Variants in RSRC1 observed in about 807,000 individuals in gnomAD.
The protein encoded by RSRC1 is arginine and serine rich coiled-coil 1, also known as serine/Arginine-related protein 53.
Under a neutral mutation model 49.1 loss-of-function variants are expected in RSRC1, and 39 were observed. The observed-to-expected ratio is 0.79, with a 90% CI of 0.61 to 1.04. The LOEUF is 1.04. Among genes scored for constraint, RSRC1 ranks in the 50% least tolerant of loss-of-function variants. The probability of loss-of-function intolerance (pLI) is 0.00; values close to 1 mark genes in which losing one functional copy is unlikely to be tolerated. For missense variants in RSRC1, 388 were observed against 402.4 expected (o/e 0.96, Z 0.31); for synonymous variants, 143 against 130.8 (o/e 1.09, Z -0.63).
chr3:158,514,979 C>T (rs1740425073), intron 7 of RSRC1, among the ~76,000 whole-genome samples: 1 of 151,802 alleles, frequency 6.6e-6, no homozygotes, highest in Non-Finnish European at 1.5e-5. Flanking sequence ...GGTAGATCTT[C>T]CTCCATCCTT....
At chr3:158,264,075 T>C (rs1233272255) in intron 4 of RSRC1, among the ~76,000 whole-genome samples, 1 of 152,168 alleles carries the variant, frequency 6.6e-6, no homozygotes, top group Non-Finnish European at 1.5e-5. Flanking sequence ...TTTTTACTGC[T>C]TACTTTGGGT....
chr3:158,359,450 G>A (rs981927139), intron 6 of RSRC1, among the ~76,000 whole-genome samples: 35 of 152,264 alleles, frequency 2.3e-4, no homozygotes, highest in African/African-American at 8.2e-4. Flanking sequence ...TGGTGTTATC[G>A]GATCTTTGGG....
intron 5 of RSRC1, among the ~76,000 whole-genome samples, chr3:158,341,616 G>A (rs967857195): frequency 2.0e-5 from 3 of 152,216 alleles, no homozygotes; most frequent in African/African-American, 7.2e-5. Context: ...GGCCCTAATG[G>A]AGAACCTCTG....
intron 3 of RSRC1, among the ~76,000 whole-genome samples, chr3:158,192,163 A>G (rs912359474): frequency 2.6e-5 from 4 of 152,056 alleles, no homozygotes; most frequent in Non-Finnish European, 5.9e-5. Flanking sequence ...GAACATTAAG[A>G]CATAGAGGGC....
intron 6 of RSRC1, among the ~76,000 whole-genome samples, chr3:158,428,509 A>C (rs1735587918): frequency 1.3e-5 from 2 of 151,824 alleles, no homozygotes; most frequent in Admixed American, 6.6e-5. Context: ...AGTTTTCTTA[A>C]CTGTAAAATG....
chr3:158,439,257 A>G (rs1408470168), intron 6 of RSRC1, among the ~76,000 whole-genome samples: 5 of 151,846 alleles, frequency 3.3e-5, no homozygotes, highest in Non-Finnish European at 7.4e-5. Context: ...ACAGTGTGGC[A>G]ATTCCTCAAG....
At chr3:158,149,627 A>G (rs1717396748) in intron 3 of RSRC1, among the ~76,000 whole-genome samples, 1 of 152,152 alleles carries the variant, frequency 6.6e-6, no homozygotes, top group Admixed American at 6.6e-5. Flanking sequence ...TATTTGAGAA[A>G]ATTAGGTATA....
At chr3:158,295,246 A>G (rs957116032) in intron 4 of RSRC1, among the ~76,000 whole-genome samples, 1 of 132,508 alleles carries the variant, frequency 7.5e-6, no homozygotes, top group African/African-American at 3.0e-5. Flanking sequence ...AGGCTGGGAG[A>G]AAAGGAGCAT....
At chr3:158,472,245 C>G (rs149266415) in intron 7 of RSRC1, among the ~76,000 whole-genome samples, 2 of 152,086 alleles carry the variant, frequency 1.3e-5, no homozygotes, top group East Asian at 3.9e-4. Flanking sequence ...TGAACAACAC[C>G]TACTTTGGGA....
At chr3:158,256,794 C>T (rs1724586468) in intron 4 of RSRC1, among the ~76,000 whole-genome samples, 1 of 152,064 alleles carries the variant, frequency 6.6e-6, no homozygotes, top group Non-Finnish European at 1.5e-5. Flanking sequence ...CTGGTTTAGT[C>T]TTGGGAGGGT....
intron 4 of RSRC1, among the ~76,000 whole-genome samples, chr3:158,297,687 TAATA>T (rs1412843282): frequency 6.6e-6 from 1 of 151,580 alleles, no homozygotes; most frequent in Non-Finnish European, 1.5e-5. Flanking sequence ...AACATTTTCA[TAATA>T]AATGTTGGAA....
intron 4 of RSRC1, among the ~76,000 whole-genome samples, chr3:158,290,415 G>A (rs1396047265): frequency 1.3e-5 from 2 of 151,966 alleles, no homozygotes; most frequent in Admixed American, 6.6e-5. Flanking sequence ...TGGGACTACA[G>A]GCGCCCGCCA....
At chr3:158,472,557 G>A (rs1211577293) in intron 7 of RSRC1, among the ~76,000 whole-genome samples, 1 of 152,140 alleles carries the variant, frequency 6.6e-6, no homozygotes, top group African/African-American at 2.4e-5. Context: ...ACACTGCTCT[G>A]AAGTAGTTTT....
At chr3:158,479,045 G>A (rs1184309123) in intron 7 of RSRC1, among the ~76,000 whole-genome samples, 1 of 148,998 alleles carries the variant, frequency 6.7e-6, no homozygotes, top group East Asian at 2.0e-4. Flanking sequence ...ATTAATTTTT[G>A]TATGTGTATT....
chr3:158,348,986 A>G (rs371719813), intron 5 of RSRC1, among the ~76,000 whole-genome samples: 4 of 152,220 alleles, frequency 2.6e-5, no homozygotes, highest in East Asian at 1.9e-4. Context: ...TCTTTATCCA[A>G]TCAACTATAA....
intron 6 of RSRC1, among the ~76,000 whole-genome samples, chr3:158,367,295 T>A (rs925415107): frequency 1.3e-5 from 2 of 152,186 alleles, no homozygotes; most frequent in Admixed American, 1.3e-4. Flanking sequence ...CTCTTATTAT[T>A]TTGAGATACA....
chr3:158,180,664 G>A (rs1008319849), intron 3 of RSRC1, among the ~76,000 whole-genome samples: 2 of 151,208 alleles, frequency 1.3e-5, no homozygotes, highest in Admixed American at 6.6e-5. Context: ...GTGGGGTTTC[G>A]CCATGTCGTC....
intron 6 of RSRC1, among the ~76,000 whole-genome samples, chr3:158,380,045 C>T (rs540679323): frequency 6.6e-6 from 1 of 152,120 alleles, no homozygotes; most frequent in South Asian, 2.1e-4. Context: ...GTTTTCTGGT[C>T]AGATATATGA....
chr3:158,515,964 A>C (rs1259948214), intron 7 of RSRC1, among the ~76,000 whole-genome samples: 1 of 150,684 alleles, frequency 6.6e-6, no homozygotes, highest in East Asian at 2.0e-4. Flanking sequence ...TCCTTTAAGC[A>C]CTTCTCTGTA....
Sources: gnomAD v4.1 joint callset for allele counts (sites outside exome capture counted in the v4.1 genomes callset) on GRCh38, gnomAD v4.1.1 for gene constraint, MANE v1.5 for transcripts, NCBI Gene and HGNC (gene_info 2026-07-23, HGNC 2026-07-21) for gene names.